The following TOPBP1 variants were observed in gnomAD, a reference collection of about 807,000 sequenced individuals.
The protein encoded by TOPBP1 is DNA topoisomerase II binding protein 1.
A neutral mutation model predicts 167.7 loss-of-function variants in TOPBP1; 28 were observed. That is an observed-to-expected ratio of 0.17 (90% CI 0.12 to 0.23). TOPBP1 has a LOEUF of 0.23. Ranked by LOEUF, TOPBP1 falls within the 10% of genes least tolerant of loss-of-function variation. The pLI is 1.00. For missense variants in TOPBP1, 1,554 were observed against 1,809.6 expected (o/e 0.86, Z 2.56); for synonymous variants, 598 against 611.4 (o/e 0.98, Z 0.32).
Position 133,608,580 on chromosome 3 carries a change from G to T in TOPBP1, c.4380C>A (p.Asn1460Lys). The T allele has an allele frequency of 6.2e-7, 1 of 1,613,760 alleles. No individual in the cohort carries two copies. The highest frequency in any genetic ancestry group is 8.5e-7 in the Non-Finnish European group (1 of 1,179,770). Residue 1460 changes from asparagine to lysine, a missense_variant, in exon 27 of 28, where the codon AAC becomes AAA. By Grantham distance (94) the Asn-to-Lys change is moderately conservative. Around this residue, in one of 3 missense-constraint regions of TOPBP1, gnomAD observed 351 missense variants for 432.9 expected, o/e 0.81. Coordinates refer to ENST00000260810, the MANE Select transcript of TOPBP1 (RefSeq NM_007027.4). ...GVNIAEAAAQ[N>K]VYCLRTEYIA... The stretch of plus-strand genomic sequence containing the variant: ...TGTATTCTGTTCTCAAGCAGTACAC[G>T]TTCTGGGCAGCAGCTTCTGCTATAT...
At chr3:133,651,343 C>T (rs909444099) in intron 8 of TOPBP1, among the ~76,000 whole-genome samples, 2 of 151,664 alleles carry the variant, frequency 1.3e-5, no homozygotes, top group Non-Finnish European at 2.9e-5. Context: ...CCTGCCACAA[C>T]GCCCAGCTAA....
At chr3:133,638,966 T>C (rs948180126) in intron 13 of TOPBP1, among the ~76,000 whole-genome samples, 3 of 152,156 alleles carry the variant, frequency 2.0e-5, no homozygotes, top group Non-Finnish European at 4.4e-5. Flanking sequence ...AAAGGGATGA[T>C]ACAGAGTGTC....
Position 133,653,528 on chromosome 3 carries a change from T to C in TOPBP1, c.743-4A>G, listed in dbSNP as rs1181257289. The C allele has an allele frequency of 5.2e-6, 8 of 1,532,366 alleles. No homozygotes were observed. Among genetic ancestry groups the C allele is most frequent in the African/African-American group, 1.4e-5 (1 of 70,506 alleles). The allele number at this position is 1,532,366 out of a possible 1,614,324, so 94.9% of individuals were successfully genotyped here. A position where few individuals can be genotyped will look rare whatever the true frequency, so the allele number is the denominator to read the frequency against. On this transcript the variant is annotated splice_region_variant and splice_polypyrimidine_tract_variant and intron_variant, in intron 6 of 27. Coordinates refer to ENST00000260810, the MANE Select transcript of TOPBP1 (RefSeq NM_007027.4). ...TTGGCACACTCATACTTCTGACCTGTGGCGTTCATTAAGAAAGAAATAGAG... is the reference window on the plus strand; with the variant it reads ...TTGGCACACTCATACTTCTGACCTGCGGCGTTCATTAAGAAAGAAATAGAG...
In TOPBP1 at chr3:133,659,762, T is replaced by TTATATA. The variant is rs10662614; in HGVS notation, c.85-618_85-613dup. 2.0e-3 allele frequency among the ~76,000 whole-genome samples: 300 copies of TTATATA among 151,578 alleles called. 2 individuals carry two copies. Among genetic ancestry groups the TTATATA allele is most frequent in the African/African-American group, 6.9e-3 (284 of 41,304 alleles). On this transcript the variant is annotated intron_variant, in intron 2 of 27. Transcript: ENST00000260810. ...GTCTATTCTATTTAAAAATACGTAT[T>TTATATA]TATATATATATATATAGTTTTTGTC... is the stretch of plus-strand genomic sequence containing the variant.
At chr3:133,628,502 G>C (rs761975769) in intron 15 of TOPBP1, 31 bp from the exon 16 acceptor site, 2 of 1,605,062 alleles carry the variant, frequency 1.2e-6, no homozygotes, top group Non-Finnish European at 1.7e-6. Flanking sequence ...AAACAGATCA[G>C]TCATTATTGT....
intron 19 of TOPBP1, 60 bp downstream of exon 19, chr3:133,623,030 AC>A (rs1935145891): frequency 9.9e-7 from 1 of 1,011,820 alleles, no homozygotes; most frequent in African/African-American, 1.6e-5. Context: ...CCCCATCTCC[AC>A]AAAAAATTGA....
At chr3:133,603,211 T>G (rs1934371758) in intron 27 of TOPBP1, among the ~76,000 whole-genome samples, 1 of 152,178 alleles carries the variant, frequency 6.6e-6, no homozygotes, top group East Asian at 1.9e-4. Context: ...AAGTAATTTG[T>G]AATCTACATA....
chr3:133,628,072 C>T lies in TOPBP1; in HGVS notation c.2804+290G>A, dbSNP rs376782488. Reference sequence around the variant, plus strand: ...AACACAGGGATTCTTTTAGACTATACTGATCCTTCATGGATCCCAGGTTTC... The same window carrying T: ...AACACAGGGATTCTTTTAGACTATATTGATCCTTCATGGATCCCAGGTTTC... On this transcript the variant is annotated intron_variant, in intron 16 of 27. Coordinates refer to ENST00000260810, the MANE Select transcript of TOPBP1 (RefSeq NM_007027.4). The T allele has an allele frequency of 3.9e-4, 135 of 347,070 alleles. 2 individuals carry two copies. Among genetic ancestry groups the T allele is most frequent in the Middle Eastern group, 9.2e-4 (1 of 1,082 alleles). 21.5% of individuals were successfully genotyped at this position (347,070 alleles called of 1,614,324 possible). A position where few individuals can be genotyped will look rare whatever the true frequency, so the allele number is the denominator to read the frequency against.
chr3:133,623,911 C>G (rs1935181362), intron 17 of TOPBP1, 141 bp downstream of exon 17: 5 of 1,026,754 alleles, frequency 4.9e-6, no homozygotes, highest in Non-Finnish European at 6.7e-6. Flanking sequence ...TGCCAAAGAT[C>G]TGAAATGTGT....
chr3:133,628,786 A>G, intron 14 of TOPBP1, 53 bp from the exon 15 acceptor site: 4 of 1,504,124 alleles, frequency 2.7e-6, no homozygotes, highest in South Asian at 1.2e-5. Context: ...GAGAGAGAGA[A>G]GCAAGATGGG....
chr3:133,635,719 C>CA (rs1935648693), intron 14 of TOPBP1, among the ~76,000 whole-genome samples: 1 of 152,062 alleles, frequency 6.6e-6, no homozygotes, highest in Non-Finnish European at 1.5e-5. Flanking sequence ...ATCACTTTGG[C>CA]AAAAAATTTG....
intron 16 of TOPBP1, among the ~76,000 whole-genome samples, chr3:133,627,605 AC>A (rs1458323580): frequency 6.6e-6 from 1 of 152,218 alleles, no homozygotes; most frequent in Non-Finnish European, 1.5e-5. Flanking sequence ...AATAAGAGTT[AC>A]CAAAGGGGAA....
chr3:133,604,413 A>T (rs1410735138), intron 27 of TOPBP1, among the ~76,000 whole-genome samples: 1 of 151,868 alleles, frequency 6.6e-6, no homozygotes, highest in Admixed American at 6.6e-5. Flanking sequence ...TTGAGATTAC[A>T]GGCGTGTGCT....
intron 19 of TOPBP1, 61 bp downstream of exon 19, chr3:133,623,030 A>G: frequency 9.9e-7 from 1 of 1,011,938 alleles, no homozygotes; most frequent in East Asian, 2.7e-5. Context: ...CCCCATCTCC[A>G]CAAAAAATTG....
chr3:133,641,281 C>G (rs188566009), intron 12 of TOPBP1, among the ~76,000 whole-genome samples: 2 of 152,204 alleles, frequency 1.3e-5, no homozygotes, highest in Non-Finnish European at 2.9e-5. Flanking sequence ...ACATTTGGGT[C>G]TCCTGCTACA....
intron 3 of TOPBP1, 82 bp downstream of exon 3, chr3:133,658,934 A>C (rs1420303285): frequency 7.0e-7 from 1 of 1,426,632 alleles, no homozygotes; most frequent in African/African-American, 1.4e-5. Context: ...GTACTTTATA[A>C]TCCGCAAAGA....
intron 13 of TOPBP1, 77 bp downstream of exon 13, chr3:133,639,882 A>G (rs925218989): frequency 1.8e-5 from 26 of 1,443,018 alleles, no homozygotes; most frequent in Middle Eastern, 3.7e-4. Flanking sequence ...CTTCCTAAAC[A>G]CAAGCATTGG....
At chr3:133,636,176 T>C (rs1935666290) in intron 14 of TOPBP1, among the ~76,000 whole-genome samples, 1 of 152,174 alleles carries the variant, frequency 6.6e-6, no homozygotes, top group Admixed American at 6.6e-5. Flanking sequence ...TGAACGTGTA[T>C]AGTGGCTTCT....
At chr3:133,659,312 C>T (rs77009352) in intron 2 of TOPBP1, among the ~76,000 whole-genome samples, 162 bp from the exon 3 acceptor site, 5,222 of 152,190 alleles carry the variant, frequency 0.034, 132 homozygotes, top group Non-Finnish European at 0.05. Context: ...TTTTCCCTTC[C>T]TTGCCCTAAA....
Sources: allele counts gnomAD v4.1 joint callset (sites outside exome capture counted in the v4.1 genomes callset), GRCh38; gene constraint gnomAD v4.1.1; regional missense constraint gnomAD v4.1.1; transcripts MANE v1.5; gene names NCBI Gene and HGNC (gene_info 2026-07-23, HGNC 2026-07-21).